The following EYS variants were observed in gnomAD, a reference collection of about 807,000 sequenced individuals.
EYS encodes the protein protein eyes shut homolog.
Under a neutral mutation model 282.1 loss-of-function variants are expected in EYS, and 250 were observed. That is an observed-to-expected ratio of 0.89 (90% CI 0.80 to 0.98). The LOEUF is 0.98. EYS is among the 50% of genes least tolerant of loss of function. EYS has a pLI of 0.00. For synonymous variants in EYS, 1,355 were observed against 1,282.9 expected (o/e 1.06, Z -1.20); for missense variants, 4,016 against 3,709.0 (o/e 1.08, Z -2.15).
At chr6:64,447,892 A>C (rs1356052726) in intron 26 of EYS, among the ~76,000 whole-genome samples, 1 of 152,238 alleles carries the variant, frequency 6.6e-6, no homozygotes, top group African/African-American at 2.4e-5. Context: ...TGAAATGGAG[A>C]TTGATTAGGG....
chr6:65,683,021 T>C (rs188084335), intron 1 of EYS, among the ~76,000 whole-genome samples: 1 of 151,808 alleles, frequency 6.6e-6, no homozygotes, highest in Admixed American at 6.6e-5. Context: ...TGTTCAGATA[T>C]GGATCAAAGA....
chr6:64,649,852 A>G (rs570946816), intron 22 of EYS, among the ~76,000 whole-genome samples: 19 of 152,282 alleles, frequency 1.2e-4, no homozygotes, highest in Admixed American at 3.3e-4. Context: ...AAGAAATTTG[A>G]TCTCATAAAT....
chr6:64,197,231 C>T (rs925534255), intron 31 of EYS, among the ~76,000 whole-genome samples: 1 of 152,062 alleles, frequency 6.6e-6, no homozygotes. Context: ...TTTCCATCTA[C>T]CCTCTGCTGT....
rs542847631 is a variant in EYS at position 64,661,931 on chromosome 6, C to T, written c.3444-35686G>A. ...TCATGCTGCTATAAAGACACATGCA[C>T]ACGTATGTTTATTGCGGCACTATTC... On this transcript the variant is annotated intron_variant, in intron 22 of 42. Coordinates refer to ENST00000503581, the MANE Select transcript of EYS (RefSeq NM_001142800.2). Among the ~76,000 whole-genome samples the T allele has an allele frequency of 2.1e-3, 320 of 150,240 alleles. 1 individual carries two copies. The highest frequency in any genetic ancestry group is 2.3e-3 in the Non-Finnish European group (154 of 67,730).
intron 1 of EYS, among the ~76,000 whole-genome samples, chr6:65,687,108 G>A (rs906457893): frequency 2.0e-5 from 3 of 152,008 alleles, no homozygotes; most frequent in African/African-American, 2.4e-5. Flanking sequence ...CCATATTACT[G>A]TTCTTCTTGT....
At chr6:64,030,242 A>G (rs1769754952) in intron 33 of EYS, among the ~76,000 whole-genome samples, 1 of 152,152 alleles carries the variant, frequency 6.6e-6, no homozygotes, top group African/African-American at 2.4e-5. Flanking sequence ...GAAGAGACAA[A>G]GAAGAAGTCG....
chr6:64,604,011 TTCTCATTCCCCTAA>T (rs1422747075), intron 24 of EYS, among the ~76,000 whole-genome samples: 1 of 151,916 alleles, frequency 6.6e-6, no homozygotes, highest in Non-Finnish European at 1.5e-5. Context: ...ACAACAGGAA[TTCTCATTCCCCTAA>T]TCTGCATTAT....
intron 15 of EYS, among the ~76,000 whole-genome samples, chr6:64,916,858 GA>G (rs1201617178): frequency 6.6e-6 from 1 of 152,134 alleles, no homozygotes; most frequent in Non-Finnish European, 1.5e-5. Flanking sequence ...AAAATACATT[GA>G]ACACTTCTAA....
At chr6:64,035,588 G>A (rs558934868) in intron 33 of EYS, among the ~76,000 whole-genome samples, 59 of 152,296 alleles carry the variant, frequency 3.9e-4, no homozygotes, top group Admixed American at 3.5e-3. Flanking sequence ...TATGAAACCA[G>A]AGTAAAGAAT....
chr6:65,031,125 TATATA>T (rs999452493), intron 13 of EYS, among the ~76,000 whole-genome samples: 2 of 147,270 alleles, frequency 1.4e-5, no homozygotes, highest in Non-Finnish European at 3.0e-5. Context: ...ATACATATTA[TATATA>T]ATATTTTATA....
intron 26 of EYS, among the ~76,000 whole-genome samples, chr6:64,569,026 GAAAAA>G (rs4034162): frequency 9.8e-6 from 1 of 101,744 alleles, no homozygotes. Flanking sequence ...AGATGGAAAA[GAAAAA>G]AAAAAAAAAA....
chr6:64,000,147 G>T (rs1357639876), intron 33 of EYS, among the ~76,000 whole-genome samples: 1 of 140,156 alleles, frequency 7.1e-6, no homozygotes, highest in African/African-American at 2.6e-5. Context: ...CTGGGACTGA[G>T]GAGTTTCCCA....
At chr6:65,397,004 G>T (rs1321706410) in intron 7 of EYS, among the ~76,000 whole-genome samples, 1 of 151,640 alleles carries the variant, frequency 6.6e-6, no homozygotes, top group Non-Finnish European at 1.5e-5. Flanking sequence ...TCTAATAATT[G>T]TCTGTATTTT....
intron 2 of EYS, among the ~76,000 whole-genome samples, chr6:65,606,887 T>G (rs1376157684): frequency 6.6e-6 from 1 of 151,286 alleles, no homozygotes; most frequent in African/African-American, 2.4e-5. Flanking sequence ...CCAAAGTATT[T>G]TTTTTTTGCA....
intron 7 of EYS, among the ~76,000 whole-genome samples, chr6:65,398,379 C>T (rs568797360): frequency 2.4e-4 from 36 of 151,978 alleles, no homozygotes; most frequent in Non-Finnish European, 4.6e-4. Flanking sequence ...GGGGAAAGAA[C>T]ATCCTATTCA....
intron 23 of EYS, among the ~76,000 whole-genome samples, chr6:64,621,044 CTCTG>C: frequency 6.6e-6 from 1 of 152,066 alleles, no homozygotes; most frequent in East Asian, 1.9e-4. Context: ...GACAATCTTG[CTCTG>C]TCACCCAGGC....
intron 11 of EYS, among the ~76,000 whole-genome samples, chr6:65,298,358 C>T (rs1430648863): frequency 6.6e-6 from 1 of 151,988 alleles, no homozygotes; most frequent in Non-Finnish European, 1.5e-5. Context: ...GAGATAGTGA[C>T]ACCTTTTATT....
chr6:64,602,740 C>T (rs1766801410), intron 24 of EYS, among the ~76,000 whole-genome samples: 1 of 152,024 alleles, frequency 6.6e-6, no homozygotes, highest in Non-Finnish European at 1.5e-5. Context: ...CATCAAGAAA[C>T]ATTTTCCCCC....
At chr6:64,705,229 T>C (rs1770963192) in intron 22 of EYS, among the ~76,000 whole-genome samples, 1 of 152,104 alleles carries the variant, frequency 6.6e-6, no homozygotes, top group Non-Finnish European at 1.5e-5. Flanking sequence ...CCTTTTACAA[T>C]AGCTGCCAAA....
Sources: allele counts gnomAD v4.1 joint callset (sites outside exome capture counted in the v4.1 genomes callset), GRCh38; gene constraint gnomAD v4.1.1; transcripts MANE v1.5; gene names NCBI Gene and HGNC (gene_info 2026-07-23, HGNC 2026-07-21).